The following RIC3 variants were observed in gnomAD, a reference collection of about 807,000 sequenced individuals.
RIC3 encodes the protein protein RIC-3.
Under a neutral mutation model 27.3 loss-of-function variants are expected in RIC3, and 28 were observed. That is an observed-to-expected ratio of 1.02 (90% CI 0.76 to 1.41). The LOEUF (loss-of-function observed/expected upper bound fraction) is 1.41, where lower values mean the gene tolerates loss of function less well. Ranked by LOEUF, RIC3 falls within the 40% of genes most tolerant of loss-of-function variation. The probability of loss-of-function intolerance (pLI) is 0.00; values close to 1 mark genes in which losing one functional copy is unlikely to be tolerated. For synonymous variants in RIC3, 184 were observed against 160.4 expected (o/e 1.15, Z -1.11); for missense variants, 501 against 444.7 (o/e 1.13, Z -1.14).
intron 1 of RIC3, among the ~76,000 whole-genome samples, chr11:8,158,049 AAAT>A (rs1950830677): frequency 6.6e-6 from 1 of 152,200 alleles, no homozygotes; most frequent in Admixed American, 6.5e-5. Flanking sequence ...TAACCAACCA[AAAT>A]AATATATTTG....
At position 8,109,561 on chromosome 11, in the gene RIC3, C is replaced by T. The variant is rs1945021312; in HGVS notation, c.*1137G>A. ...GAGTATGGAACACATGGTCTCTACCCCTGGGCACTGCTATATTGGTTCTCT... is the reference window on the plus strand; with the variant it reads ...GAGTATGGAACACATGGTCTCTACCTCTGGGCACTGCTATATTGGTTCTCT... On this transcript the variant is annotated 3_prime_UTR_variant, in exon 6 of 6. Transcript: ENST00000309737. The T allele has an allele frequency of 6.6e-6, 1 of 152,134 alleles. No individual in the cohort carries two copies. The highest frequency in any genetic ancestry group is 2.4e-5 in the African/African-American group (1 of 41,422). 9.4% of individuals were successfully genotyped at this position (152,134 alleles called of 1,614,324 possible).
Position 8,144,734 on chromosome 11 carries a change from T to G in RIC3, c.125-4541A>C, listed in dbSNP as rs952450096. The stretch of plus-strand genomic sequence containing the variant: ...TGCTATAAAGACACATGCACACGTA[T>G]GTTTATTGCGGCATTATTCACAATA... On this transcript the variant is annotated intron_variant, in intron 1 of 5. Transcript: ENST00000309737. Among the ~76,000 whole-genome samples, 25 of 151,566 alleles carry G rather than the reference T, an allele frequency of 1.6e-4. 1 individual carries two copies. The highest frequency in any genetic ancestry group is 6.2e-4 in the South Asian group (3 of 4,818).
chr11:8,148,530 T>C (rs1436705355), intron 1 of RIC3, among the ~76,000 whole-genome samples: 1 of 152,178 alleles, frequency 6.6e-6, no homozygotes, highest in African/African-American at 2.4e-5. Context: ...TCTTCAAATC[T>C]GGCATAAAAC....
the RIC3 span, among the ~76,000 whole-genome samples, chr11:8,094,458 C>T: frequency 6.6e-6 from 1 of 152,338 alleles, no homozygotes; most frequent in African/African-American, 2.4e-5. Flanking sequence ...CGTCCCCCAC[C>T]TCAGCTACCT....
intron 2 of RIC3, 31 bp downstream of exon 2, chr11:8,139,936 G>A (rs189036733): frequency 9.0e-5 from 139 of 1,549,446 alleles, no homozygotes; most frequent in Non-Finnish European, 1.2e-4. Context: ...GATTTTCATT[G>A]ATGTAATATG....
At chr11:8,094,255 T>C in the RIC3 span, 4 of 1,518,378 alleles carry the variant, frequency 2.6e-6, no homozygotes, top group Admixed American at 4.2e-5. Flanking sequence ...TGGGGAAGGT[T>C]TGTCCTCCTG....
At position 8,111,002 on chromosome 11, in the gene RIC3, T is replaced by A; in HGVS notation, c.806A>T (p.Glu269Val). The stretch of plus-strand genomic sequence containing the variant: ...ACCCAAATGATCTGATTCTTCCTCT[T>A]CTATCATTCCCATTCTTTCAGCTAT... ...EEIAERMGMIEEEESDHLGWE... is the reference protein window; with the variant it reads ...EEIAERMGMIVEEESDHLGWE... The change falls in exon 6 of 6, where the codon GAA (glutamate) becomes GTA (valine). Residue 269 changes from glutamate to valine, a missense_variant. Physicochemically the swap from Glu to Val is moderately radical, Grantham distance 121 (BLOSUM62 -2). Transcript: ENST00000309737. 1.2e-6 allele frequency: 2 copies of A among 1,614,226 alleles called. No homozygotes were observed. The highest frequency in any genetic ancestry group is 1.7e-6 in the Non-Finnish European group (2 of 1,180,040).
chr11:8,144,799 G>C (rs1488962819), intron 1 of RIC3, among the ~76,000 whole-genome samples: 1 of 151,934 alleles, frequency 6.6e-6, no homozygotes, highest in African/African-American at 2.4e-5. Context: ...AACAATGATA[G>C]ACTAGATTAA....
At chr11:8,153,347 C>A in intron 1 of RIC3, 1 of 423,826 alleles carries the variant, frequency 2.4e-6, no homozygotes, top group Non-Finnish European at 4.6e-6. Flanking sequence ...AGACAGGGAG[C>A]ATAGTTACAA....
At chr11:8,132,784 AC>A (rs1004032191) in intron 4 of RIC3, among the ~76,000 whole-genome samples, 130 of 152,274 alleles carry the variant, frequency 8.5e-4, no homozygotes, top group African/African-American at 3.0e-3. Flanking sequence ...CTTTTGCTTT[AC>A]CCCCAGAAAC....
chr11:8,167,392 G>C (rs1029882348), intron 1 of RIC3, among the ~76,000 whole-genome samples: 1 of 152,160 alleles, frequency 6.6e-6, no homozygotes, highest in Admixed American at 6.5e-5. Context: ...AAGTCTCTCT[G>C]AGGAGGTTTC....
At chr11:8,096,330 T>C in the RIC3 span, among the ~76,000 whole-genome samples, 3 of 152,134 alleles carry the variant, frequency 2.0e-5, no homozygotes, top group Admixed American at 6.5e-5. Flanking sequence ...AGATTCCCAG[T>C]TCAAGGTGAG....
At chr11:8,099,155 G>A in the RIC3 span, among the ~76,000 whole-genome samples, 11 of 152,016 alleles carry the variant, frequency 7.2e-5, no homozygotes, top group African/African-American at 2.4e-4. Flanking sequence ...AGAAGGAGAC[G>A]GTCGCCCTGG....
intron 1 of RIC3, among the ~76,000 whole-genome samples, chr11:8,143,862 A>G: frequency 6.6e-6 from 1 of 152,178 alleles, no homozygotes; most frequent in Non-Finnish European, 1.5e-5. Context: ...CAGAGCCCTC[A>G]GAAATAACGC....
downstream of RIC3, chr11:8,103,615 G>A (rs1241036184): frequency 6.6e-6 from 1 of 152,630 alleles, no homozygotes; most frequent in East Asian, 1.9e-4. Context: ...ACATGGTCCA[G>A]TTTCTAGAGG....
At chr11:8,137,584 A>C in intron 3 of RIC3, 113 bp from the exon 4 acceptor site, 222 of 635,038 alleles carry the variant, frequency 3.5e-4, no homozygotes, top group Non-Finnish European at 4.7e-4. Flanking sequence ...TTACTATCTC[A>C]TTGAAGAACA....
At chr11:8,094,709 T>A in the RIC3 span, among the ~76,000 whole-genome samples, 1 of 152,204 alleles carries the variant, frequency 6.6e-6, no homozygotes, top group Non-Finnish European at 1.5e-5. Context: ...AAAAGACCCC[T>A]AAAGATTAAG....
the RIC3 span, chr11:8,098,798 G>A: frequency 6.2e-7 from 1 of 1,614,110 alleles, no homozygotes; most frequent in South Asian, 1.1e-5. Flanking sequence ...TTATGACAAT[G>A]GAGTCAACCC....
chr11:8,161,597 A>G (rs1951169664), intron 1 of RIC3, among the ~76,000 whole-genome samples: 4 of 152,214 alleles, frequency 2.6e-5, no homozygotes, highest in Admixed American at 1.3e-4. Flanking sequence ...TTCTACCCAC[A>G]GCACCACAAG....
Sources: gnomAD v4.1 joint callset for allele counts (sites outside exome capture counted in the v4.1 genomes callset) on GRCh38, gnomAD v4.1.1 for gene constraint, MANE v1.5 for transcripts, NCBI Gene and HGNC (gene_info 2026-07-23, HGNC 2026-07-21) for gene names.